The following ANKRD42 variants were observed in gnomAD, a reference collection of about 807,000 sequenced individuals.
ANKRD42 encodes the protein ankyrin repeat domain-containing protein 42.
A neutral mutation model predicts 51.5 loss-of-function variants in ANKRD42; 43 were observed. The observed-to-expected ratio is 0.83, with a 90% confidence interval of 0.65 to 1.08. The LOEUF (loss-of-function observed/expected upper bound fraction) is 1.08. Ranked by LOEUF, ANKRD42 falls within the 50% of genes least tolerant of loss-of-function variation. The probability of loss-of-function intolerance (pLI) is 0.00; values close to 1 mark genes in which losing one functional copy is unlikely to be tolerated. For missense variants in ANKRD42, 608 were observed against 629.3 expected, an observed-to-expected ratio of 0.97 and a Z score of 0.36; for synonymous variants, 203 against 213.0, an observed-to-expected ratio of 0.95 and a Z score of 0.41.
At chr11:83,217,051 C>G (rs912967009) in intron 5 of ANKRD42, among the ~76,000 whole-genome samples, 10 of 152,152 alleles carry the variant, frequency 6.6e-5, no homozygotes, top group African/African-American at 2.2e-4. Flanking sequence ...GAGTTGAGCT[C>G]ATTTGAGGTT....
intron 5 of ANKRD42, among the ~76,000 whole-genome samples, chr11:83,216,367 A>G (rs1485098399): frequency 3.3e-5 from 5 of 149,962 alleles, no homozygotes; most frequent in Non-Finnish European, 7.4e-5. Context: ...GCTGTCGCCC[A>G]GGCTGGAGTG....
intron 2 of ANKRD42, among the ~76,000 whole-genome samples, chr11:83,200,707 G>A (rs61289956): frequency 9.9e-5 from 15 of 151,882 alleles, no homozygotes; most frequent in Non-Finnish European, 1.6e-4. Context: ...TTATTTTTTT[G>A]TGTGTGTGGT....
At chr11:83,209,855 C>G in intron 3 of ANKRD42, 1 of 509,072 alleles carries the variant, frequency 2.0e-6, no homozygotes, top group East Asian at 3.6e-5. Flanking sequence ...CCCACAGCCT[C>G]AGCTGAATAT....
At chr11:83,195,409 G>T (rs1387645757) in intron 1 of ANKRD42, among the ~76,000 whole-genome samples, 1 of 152,126 alleles carries the variant, frequency 6.6e-6, no homozygotes. Context: ...TTCCAGTAGG[G>T]GGTGAGTATG....
intron 7 of ANKRD42, among the ~76,000 whole-genome samples, chr11:83,231,875 G>C (rs1863081281): frequency 6.6e-6 from 1 of 152,090 alleles, no homozygotes; most frequent in African/African-American, 2.4e-5. Context: ...GTTCACTGTA[G>C]GTGTGTAGAT....
downstream of ANKRD42, among the ~76,000 whole-genome samples, chr11:83,253,561 C>G (rs548765361): frequency 5.3e-4 from 80 of 152,216 alleles, no homozygotes; most frequent in Non-Finnish European, 1.0e-3. Flanking sequence ...GGATTTTTGT[C>G]TAATTTTGTT....
At chr11:83,196,143 A>G (rs1861644880) in intron 1 of ANKRD42, among the ~76,000 whole-genome samples, 2 of 152,094 alleles carry the variant, frequency 1.3e-5, no homozygotes, top group African/African-American at 2.4e-5. Context: ...CGCCCGGCCA[A>G]TCAACCTACT....
chr11:83,198,583 C>G lies in ANKRD42; in HGVS notation c.163C>G (p.Leu55Val), dbSNP rs1260816812. ...GGTACGTGGAGCCAGCATTAATGAA[C>G]TTGATGTTCTCCATAAGTTTACCCC... Reference protein sequence around the residue: ...IVVRGASINELDVLHKFTPLH... With the variant: ...IVVRGASINEVDVLHKFTPLH... Residue 55 changes from leucine (L) to valine (V), a missense_variant, in exon 2 of 11, where the codon CTT (leucine) becomes GTT (valine). Transcript: ENST00000533342. 1.9e-6 allele frequency: 3 copies of G among 1,612,974 alleles called. No individual in the cohort carries two copies. The African/African-American group carries it at 4.0e-5, about 22-fold the overall frequency.
At chr11:83,233,441 A>G (rs1863139305) in intron 7 of ANKRD42, among the ~76,000 whole-genome samples, 1 of 151,754 alleles carries the variant, frequency 6.6e-6, no homozygotes, top group Non-Finnish European at 1.5e-5. Context: ...TCTCATTTTC[A>G]TTTCTGATTT....
chr11:83,231,854 G>T (rs1863080728), intron 7 of ANKRD42, among the ~76,000 whole-genome samples: 1 of 152,028 alleles, frequency 6.6e-6, no homozygotes, highest in Admixed American at 6.6e-5. Context: ...TAGCATCTTT[G>T]TCAAAAATGA....
intron 5 of ANKRD42, among the ~76,000 whole-genome samples, chr11:83,212,145 G>A (rs564217519): frequency 1.2e-4 from 18 of 151,856 alleles, no homozygotes; most frequent in Admixed American, 3.3e-4. Flanking sequence ...GTGCAGTGGT[G>A]TGCTCTCAGC....
At chr11:83,225,256 A>AT (rs1862841899) in intron 6 of ANKRD42, among the ~76,000 whole-genome samples, 1 of 152,224 alleles carries the variant, frequency 6.6e-6, no homozygotes, top group Admixed American at 6.5e-5. Context: ...ATTCTTTACT[A>AT]TGAAATATTT....
chr11:83,197,907 T>C (rs767705681), intron 1 of ANKRD42, among the ~76,000 whole-genome samples: 1 of 152,236 alleles, frequency 6.6e-6, no homozygotes, highest in Non-Finnish European at 1.5e-5. Context: ...GCCTTTGTTA[T>C]GGAGAACAAC....
downstream of ANKRD42, among the ~76,000 whole-genome samples, chr11:83,249,537 G>A (rs189785706): frequency 1.3e-5 from 2 of 152,228 alleles, no homozygotes; most frequent in South Asian, 2.1e-4. Context: ...TCTACTTTAG[G>A]AATGTTTCTG....
chr11:83,197,132 C>T (rs890576031), intron 1 of ANKRD42, among the ~76,000 whole-genome samples: 1 of 150,836 alleles, frequency 6.6e-6, no homozygotes, highest in African/African-American at 2.5e-5. Context: ...GCTCTCGTTC[C>T]CATTTGCCAT....
At chr11:83,210,720 T>C (rs771812064) in intron 4 of ANKRD42, among the ~76,000 whole-genome samples, 1 of 152,248 alleles carries the variant, frequency 6.6e-6, no homozygotes, top group Non-Finnish European at 1.5e-5. Context: ...AACCAGGTGA[T>C]TGTAAATCTT....
At position 83,240,931 on chromosome 11, in the gene ANKRD42, A is replaced by G; in HGVS notation, c.1192A>G (p.Arg398Gly). 6.2e-7 allele frequency: 1 copy of G among 1,610,738 alleles called. No individual in the cohort carries two copies. The highest frequency in any genetic ancestry group is 8.5e-7 in the Non-Finnish European group (1 of 1,178,184). The change falls in exon 9 of 11, where the codon AGA (arginine) becomes GGA (glycine). Residue 398 changes from arginine (R) to glycine (G), a missense_variant. By Grantham distance (125) the Arg-to-Gly change is moderately radical. Coordinates refer to ENST00000533342, the MANE Select transcript of ANKRD42 (RefSeq NM_001300975.2). Reference sequence around the variant, plus strand: ...GAGTGACTTGGATAAAACAGATGCCAGAAGTAAGTATGCTGCCTCTGTTGT... The same window carrying G: ...GAGTGACTTGGATAAAACAGATGCCGGAAGTAAGTATGCTGCCTCTGTTGT... ...CLSDLDKTDA[R>G]MRAYKKIVEL...
chr11:83,226,336 C>A (rs1367811401), intron 6 of ANKRD42, among the ~76,000 whole-genome samples: 2 of 152,114 alleles, frequency 1.3e-5, no homozygotes, highest in African/African-American at 4.8e-5. Flanking sequence ...AAACTGAGTC[C>A]TTACTAAAAA....
In ANKRD42 at chr11:83,194,551, A is replaced by T; in HGVS notation, c.-120A>T. On this transcript the variant is annotated 5_prime_UTR_variant, in exon 1 of 11. Coordinates refer to ENST00000533342, the MANE Select transcript of ANKRD42 (RefSeq NM_001300975.2). ...AAGAGAGGACCTTGGGCCCCGTCCT[A>T]GTGACGACGGAGAAGAGGGCCGCTG... The T allele has an allele frequency of 1.1e-6, 1 of 930,964 alleles. No homozygotes were observed. 57.7% of individuals were successfully genotyped at this position (930,964 alleles called of 1,614,324 possible).
Sources: gnomAD v4.1 joint callset for allele counts (sites outside exome capture counted in the v4.1 genomes callset) on GRCh38, gnomAD v4.1.1 for gene constraint, MANE v1.5 for transcripts, NCBI Gene and HGNC (gene_info 2026-07-23, HGNC 2026-07-21) for gene names.